Variants in MTNAP1 observed in about 807,000 individuals in gnomAD.
MTNAP1 encodes the protein mitochondrial nucleoid associated protein 1.
the MTNAP1 span, chr17:73,248,481 T>A: frequency 6.4e-7 from 1 of 1,551,354 alleles, no homozygotes; most frequent in Non-Finnish European, 8.7e-7. Flanking sequence ...CCCCGCTAGG[T>A]AAGAAGCAAC....
chr17:73,248,612 A>C, the MTNAP1 span: 1 of 1,435,110 alleles, frequency 7.0e-7, no homozygotes, highest in Non-Finnish European at 9.6e-7. Context: ...ATCCCGCAGA[A>C]GAGGCATGGT....
At chr17:73,245,341 A>T in the MTNAP1 span, 1 of 1,384,196 alleles carries the variant, frequency 7.2e-7, no homozygotes, top group Non-Finnish European at 9.4e-7. Flanking sequence ...TTGGAATCTA[A>T]AATAATGATA....
the MTNAP1 span, chr17:73,232,543 A>C: frequency 2.2e-6 from 1 of 453,724 alleles, no homozygotes; most frequent in Non-Finnish European, 3.9e-6. Flanking sequence ...TGTCATAATA[A>C]TATCATACAA....
chr17:73,245,580 T>C, the MTNAP1 span: 5 of 985,440 alleles, frequency 5.1e-6, no homozygotes, highest in Non-Finnish European at 6.0e-6. Flanking sequence ...ACCAGACTAC[T>C]ACCTATATGT....
chr17:73,237,965 A>C, the MTNAP1 span, among the ~76,000 whole-genome samples: 2 of 152,144 alleles, frequency 1.3e-5, no homozygotes, highest in Admixed American at 1.3e-4. Context: ...CAAGAATAAA[A>C]CCAGTGATTG....
At chr17:73,243,656 G>C in the MTNAP1 span, among the ~76,000 whole-genome samples, 128 of 151,650 alleles carry the variant, frequency 8.4e-4, no homozygotes, top group Non-Finnish European at 1.4e-3. Flanking sequence ...AGCCTCCTGA[G>C]TAGCTGGGAC....
the MTNAP1 span, among the ~76,000 whole-genome samples, chr17:73,237,430 T>C: frequency 3.3e-5 from 4 of 120,004 alleles, no homozygotes; most frequent in African/African-American, 9.9e-5. Context: ...AATGAGACCC[T>C]GTCTCAAAAA....
chr17:73,232,480 C>G, the MTNAP1 span: 1 of 584,164 alleles, frequency 1.7e-6, no homozygotes, highest in Non-Finnish European at 2.9e-6. Flanking sequence ...CTGTTCACAG[C>G]CAACGGAGGG....
chr17:73,241,613 T>C, the MTNAP1 span, among the ~76,000 whole-genome samples: 1 of 152,206 alleles, frequency 6.6e-6, no homozygotes, highest in African/African-American at 2.4e-5. Context: ...CGCTTTTAGC[T>C]GACATGTTTA....
chr17:73,240,642 G>A, the MTNAP1 span, among the ~76,000 whole-genome samples: 2 of 152,234 alleles, frequency 1.3e-5, no homozygotes, highest in African/African-American at 2.4e-5. Flanking sequence ...CCTTTGATAG[G>A]TCATTTGCCC....
chr17:73,247,230 G>C, the MTNAP1 span: 1 of 1,610,870 alleles, frequency 6.2e-7, no homozygotes, highest in Admixed American at 1.7e-5. Context: ...TTTACTATCT[G>C]GCCTTTACAG....
chr17:73,247,225 T>A, the MTNAP1 span: 1 of 1,609,168 alleles, frequency 6.2e-7, no homozygotes, highest in Non-Finnish European at 8.5e-7. Flanking sequence ...AAATATTTAC[T>A]ATCTGGCCTT....
the MTNAP1 span, among the ~76,000 whole-genome samples, chr17:73,234,180 A>G: frequency 6.6e-6 from 1 of 152,194 alleles, no homozygotes; most frequent in Non-Finnish European, 1.5e-5. Flanking sequence ...TGTGCAGGAT[A>G]GATATGTTTC....
the MTNAP1 span, chr17:73,245,017 CTG>C: frequency 4.5e-6 from 3 of 673,814 alleles, no homozygotes; most frequent in Non-Finnish European, 7.6e-6. Flanking sequence ...TGAACAGAGA[CTG>C]AAGAAAGTGA....
chr17:73,237,027 C>G, the MTNAP1 span: 1 of 1,504,494 alleles, frequency 6.6e-7, no homozygotes, highest in Non-Finnish European at 8.8e-7. Context: ...TGCCATCTGT[C>G]CCATCCAAAA....
At chr17:73,235,050 C>T in the MTNAP1 span, among the ~76,000 whole-genome samples, 16 of 151,980 alleles carry the variant, frequency 1.1e-4, no homozygotes, top group African/African-American at 2.9e-4. Flanking sequence ...GGTGAAACCC[C>T]GTCTTTACTA....
chr17:73,243,394 TCCGCCCA>T, the MTNAP1 span, among the ~76,000 whole-genome samples: 49 of 152,206 alleles, frequency 3.2e-4, no homozygotes, highest in Admixed American at 1.5e-3. Flanking sequence ...CCTCAGGTGA[TCCGCCCA>T]CCTCAGCCTC....
chr17:73,234,343 T>C, the MTNAP1 span, among the ~76,000 whole-genome samples: 2 of 151,718 alleles, frequency 1.3e-5, no homozygotes, highest in South Asian at 2.1e-4. Flanking sequence ...ATTTTTTACA[T>C]CGTATATGTT....
chr17:73,237,069 C>G, the MTNAP1 span: 8 of 1,333,516 alleles, frequency 6.0e-6, no homozygotes, highest in Non-Finnish European at 8.1e-6. Flanking sequence ...TTATAAGGGT[C>G]AAAATACTAA....
Sources: gnomAD v4.1 joint callset for allele counts (sites outside exome capture counted in the v4.1 genomes callset) on GRCh38, gnomAD v4.1.1 for gene constraint, MANE v1.5 for transcripts, NCBI Gene and HGNC (gene_info 2026-07-23, HGNC 2026-07-21) for gene names.